The following NBAS variants were observed in gnomAD, a reference collection of about 807,000 sequenced individuals.
The protein encoded by NBAS is NAG/BC035112 fusion.
Under a neutral mutation model 302.5 loss-of-function variants are expected in NBAS, and 219 were observed. The observed-to-expected ratio is 0.72, with a 90% CI of 0.65 to 0.81. The LOEUF (loss-of-function observed/expected upper bound fraction) is 0.81, where lower values mean the gene tolerates loss of function less well. NBAS is among the 30% of genes least tolerant of loss of function. NBAS has a pLI of 0.00. For synonymous variants in NBAS, 1,118 were observed against 1,021.6 expected (o/e 1.09, Z -1.80); for missense variants, 2,932 against 2,841.6 (o/e 1.03, Z -0.72).
chr2:15,205,256 T>C (rs1259709623), intron 48 of NBAS, among the ~76,000 whole-genome samples: 2 of 151,470 alleles, frequency 1.3e-5, no homozygotes, highest in South Asian at 2.1e-4. Flanking sequence ...ATACAACAGA[T>C]ACACAAAAAT....
In NBAS at chr2:15,394,289, A is replaced by G. The variant is rs750945962; in HGVS notation, c.3195T>C (p.Thr1065=). The change falls in exon 28 of 52, where the codon ACT becomes ACC. Residue 1065 remains threonine, a synonymous_variant. Transcript: ENST00000281513. ...LEKPISFVKN[T]QSSSEEARKL... ...TGCGTGCCTCTTCTGAGCTAGATTGAGTGTTTTTAACAAATGAAATTGGTT... is the reference window on the plus strand; with the variant it reads ...TGCGTGCCTCTTCTGAGCTAGATTGGGTGTTTTTAACAAATGAAATTGGTT... 37 of 1,613,264 alleles carry G rather than the reference A, an allele frequency of 2.3e-5. No homozygotes were observed. The highest frequency in any genetic ancestry group is 3.1e-5 in the Non-Finnish European group (37 of 1,179,470).
At chr2:15,239,860 TAATAA>T (rs2147949581) in intron 44 of NBAS, among the ~76,000 whole-genome samples, 1 of 152,170 alleles carries the variant, frequency 6.6e-6, no homozygotes, top group East Asian at 1.9e-4. Context: ...TTTTTCTAAT[TAATAA>T]AATACTATCC....
intron 44 of NBAS, among the ~76,000 whole-genome samples, chr2:15,243,547 T>C (rs1475378896): frequency 6.6e-6 from 1 of 151,188 alleles, no homozygotes; most frequent in East Asian, 1.9e-4. Flanking sequence ...GGAGGCAATA[T>C]GTGGCTTTGG....
At chr2:15,477,900 AC>A (rs1390658994) in intron 13 of NBAS, among the ~76,000 whole-genome samples, 2 of 151,974 alleles carry the variant, frequency 1.3e-5, no homozygotes, top group Non-Finnish European at 2.9e-5. Flanking sequence ...AACCCTAATT[AC>A]CCCCAACCCG....
chr2:15,198,464 G>GA (rs1447631672), intron 48 of NBAS, among the ~76,000 whole-genome samples: 1 of 152,114 alleles, frequency 6.6e-6, no homozygotes, highest in Non-Finnish European at 1.5e-5. Context: ...AGAGGTAAGG[G>GA]AAAAAAGAGA....
the NBAS span, among the ~76,000 whole-genome samples, chr2:15,003,086 A>G: frequency 6.6e-6 from 1 of 152,244 alleles, no homozygotes; most frequent in East Asian, 1.9e-4. Context: ...CTGCCAGCAC[A>G]CTGTCACCTC....
chr2:14,918,635 AG>A, the NBAS span, among the ~76,000 whole-genome samples: 1 of 152,242 alleles, frequency 6.6e-6, no homozygotes, highest in South Asian at 2.1e-4. Context: ...TGAGGGCCTA[AG>A]GGCCCAGATT....
the NBAS span, among the ~76,000 whole-genome samples, chr2:14,874,039 AT>A: frequency 6.6e-6 from 1 of 152,188 alleles, no homozygotes; most frequent in Non-Finnish European, 1.5e-5. Flanking sequence ...GGTTTATAAA[AT>A]TGATAAGCCT....
rs754294315 is a variant in NBAS, at chr2:15,287,063, G to A, written c.5138+10C>T. ...ATGGAAACAAACGTACATATGAACT[G>A]TGTGCTTACCCACTGTCCGTGAAGA... On this transcript the variant is annotated intron_variant, in intron 42 of 51. Coordinates refer to ENST00000281513, the MANE Select transcript of NBAS (RefSeq NM_015909.4). The A allele has an allele frequency of 3.8e-6, 6 of 1,575,530 alleles. No homozygotes were observed. In the Admixed American group the frequency reaches 1.0e-4, roughly 26 times the overall value.
the NBAS span, among the ~76,000 whole-genome samples, chr2:14,810,665 T>C: frequency 6.6e-6 from 1 of 152,202 alleles, no homozygotes; most frequent in African/African-American, 2.4e-5. Flanking sequence ...GAAAGTAACA[T>C]AATTTAAATT....
chr2:15,162,558 C>T (rs1663924187), downstream of NBAS, among the ~76,000 whole-genome samples: 1 of 152,206 alleles, frequency 6.6e-6, no homozygotes, highest in South Asian at 2.1e-4. Flanking sequence ...TCCCGTCTCA[C>T]AGCTGTGAGC....
intron 47 of NBAS, among the ~76,000 whole-genome samples, chr2:15,229,360 A>C (rs111605637): frequency 3.9e-4 from 56 of 145,092 alleles, no homozygotes; most frequent in African/African-American, 9.4e-4. Context: ...AAAAAAAAAA[A>C]AAAAAAAAAA....
intron 40 of NBAS, among the ~76,000 whole-genome samples, chr2:15,297,627 T>G (rs1167989669): frequency 2.0e-5 from 3 of 152,246 alleles, no homozygotes; most frequent in African/African-American, 7.2e-5. Flanking sequence ...CTCCCAGCCA[T>G]GCTTCCTGTT....
the NBAS span, among the ~76,000 whole-genome samples, chr2:15,139,857 A>AGGTTGTTG: frequency 6.6e-6 from 1 of 152,200 alleles, no homozygotes; most frequent in Non-Finnish European, 1.5e-5. Flanking sequence ...TAGAGTGTAC[A>AGGTTGTTG]GTAGTTGGTA....
chr2:15,176,151 T>C (rs1664527201), intron 51 of NBAS, among the ~76,000 whole-genome samples: 1 of 152,186 alleles, frequency 6.6e-6, no homozygotes, highest in Non-Finnish European at 1.5e-5. Context: ...AAGGATGACT[T>C]AAAAACAGCT....
At chr2:15,460,310 A>G (rs1679450830) in intron 21 of NBAS, among the ~76,000 whole-genome samples, 1 of 152,170 alleles carries the variant, frequency 6.6e-6, no homozygotes, top group Admixed American at 6.5e-5. Context: ...AGTAAGCAAG[A>G]CAGGGACTTC....
At chr2:15,021,937 T>A in the NBAS span, among the ~76,000 whole-genome samples, 1 of 152,068 alleles carries the variant, frequency 6.6e-6, no homozygotes, top group African/African-American at 2.4e-5. Context: ...GCAAATAGAC[T>A]CTGAAATGGA....
intron 44 of NBAS, among the ~76,000 whole-genome samples, chr2:15,253,247 A>G (rs548117656): frequency 6.6e-6 from 1 of 152,138 alleles, no homozygotes; most frequent in Non-Finnish European, 1.5e-5. Context: ...CAGCTGTAGT[A>G]TATTTGGGAA....
the NBAS span, among the ~76,000 whole-genome samples, chr2:15,095,670 C>A: frequency 6.6e-6 from 1 of 152,164 alleles, no homozygotes; most frequent in Admixed American, 6.5e-5. Flanking sequence ...GAGGCACGGA[C>A]CCAGCTCCCA....
Sources: gnomAD v4.1 joint callset for allele counts (sites outside exome capture counted in the v4.1 genomes callset) on GRCh38, gnomAD v4.1.1 for gene constraint, MANE v1.5 for transcripts, NCBI Gene and HGNC (gene_info 2026-07-23, HGNC 2026-07-21) for gene names.